Variants in SGCZ observed in about 807,000 individuals in gnomAD.
SGCZ encodes zeta-sarcoglycan.
A neutral mutation model predicts 41.3 loss-of-function variants in SGCZ; 40 were observed. The ratio of observed to expected loss-of-function variants is 0.97; its 90% confidence interval spans 0.75 to 1.26. The LOEUF (loss-of-function observed/expected upper bound fraction) is 1.26. Ranked by LOEUF, SGCZ falls within the 50% of genes most tolerant of loss-of-function variation. The pLI, the probability that SGCZ is intolerant of heterozygous loss-of-function variation, is 0.00. For missense variants in SGCZ, 552 were observed against 369.8 expected (o/e 1.49, Z -4.04); for synonymous variants, 206 against 137.5 (o/e 1.50, Z -3.49).
chr8:14,964,032 G>A (rs543995859), intron 1 of SGCZ, among the ~76,000 whole-genome samples: 4 of 152,070 alleles, frequency 2.6e-5, no homozygotes, highest in Non-Finnish European at 5.9e-5. Context: ...CCTATGCAAA[G>A]GTTACAAGGC....
At chr8:14,946,853 T>A (rs1195578436) in intron 1 of SGCZ, among the ~76,000 whole-genome samples, 3 of 151,912 alleles carry the variant, frequency 2.0e-5, no homozygotes, top group African/African-American at 7.3e-5. Flanking sequence ...TTTTTGTATT[T>A]TTAGTAGAGA....
chr8:14,859,458 T>C (rs939460673), intron 1 of SGCZ, among the ~76,000 whole-genome samples: 5 of 152,106 alleles, frequency 3.3e-5, no homozygotes, highest in Non-Finnish European at 7.4e-5. Context: ...AACCCTAAAC[T>C]CCCTTGAAAG....
intron 1 of SGCZ, among the ~76,000 whole-genome samples, chr8:14,569,061 G>C (rs976635747): frequency 2.0e-5 from 3 of 152,062 alleles, no homozygotes; most frequent in African/African-American, 4.8e-5. Context: ...GGAAGCTTTC[G>C]AGTCAATATT....
At chr8:14,687,014 G>C (rs1177855332) in intron 1 of SGCZ, among the ~76,000 whole-genome samples, 1 of 151,426 alleles carries the variant, frequency 6.6e-6, no homozygotes, top group African/African-American at 2.4e-5. Flanking sequence ...CCAAAACCAA[G>C]CCAAGCCAAA....
chr8:14,967,637 G>C (rs931566814), intron 1 of SGCZ, among the ~76,000 whole-genome samples: 2 of 152,018 alleles, frequency 1.3e-5, no homozygotes, highest in African/African-American at 2.4e-5. Flanking sequence ...GAAAGTACTG[G>C]TCATTTCATA....
chr8:14,303,896 C>A (rs1585340239), intron 3 of SGCZ, among the ~76,000 whole-genome samples: 1 of 151,876 alleles, frequency 6.6e-6, no homozygotes, highest in African/African-American at 2.4e-5. Flanking sequence ...GGATTATAGG[C>A]ACCCGCCACC....
chr8:14,590,875 TTATAC>T (rs1459881766), intron 1 of SGCZ, among the ~76,000 whole-genome samples: 2 of 148,796 alleles, frequency 1.3e-5, no homozygotes, highest in Non-Finnish European at 3.0e-5. Flanking sequence ...TATAAAGTAC[TTATAC>T]TATATATGTC....
At chr8:14,269,667 T>C (rs1000918847) in intron 3 of SGCZ, among the ~76,000 whole-genome samples, 3 of 152,110 alleles carry the variant, frequency 2.0e-5, no homozygotes, top group Non-Finnish European at 2.9e-5. Context: ...GAGAGTTCTT[T>C]AAGTCAAAAA....
chr8:14,933,309 G>C (rs1465698770), intron 1 of SGCZ, among the ~76,000 whole-genome samples: 1 of 151,876 alleles, frequency 6.6e-6, no homozygotes, highest in Non-Finnish European at 1.5e-5. Flanking sequence ...TGCAGACAGA[G>C]AAAGAGGACC....
intron 2 of SGCZ, among the ~76,000 whole-genome samples, chr8:14,411,229 A>G (rs1799351794): frequency 6.6e-6 from 1 of 152,142 alleles, no homozygotes; most frequent in African/African-American, 2.4e-5. Context: ...AAACAGCCCT[A>G]CAACTCTTAC....
chr8:14,913,526 TA>T (rs1253106189), intron 1 of SGCZ, among the ~76,000 whole-genome samples: 1 of 152,074 alleles, frequency 6.6e-6, no homozygotes, highest in Non-Finnish European at 1.5e-5. Flanking sequence ...TATGTAGGCC[TA>T]AAAAGTTTAT....
chr8:14,493,338 CT>C (rs1385612687), intron 2 of SGCZ, among the ~76,000 whole-genome samples: 3 of 104,066 alleles, frequency 2.9e-5, no homozygotes, highest in African/African-American at 7.1e-5. Flanking sequence ...TATTCACATA[CT>C]TTTCCCACTA....
chr8:14,816,315 C>T (rs1374496047), intron 1 of SGCZ, among the ~76,000 whole-genome samples: 1 of 152,174 alleles, frequency 6.6e-6, no homozygotes, highest in Non-Finnish European at 1.5e-5. Context: ...CTGGAGGAAA[C>T]ATTACCAGCC....
chr8:14,751,572 T>A (rs1256373772), intron 1 of SGCZ, among the ~76,000 whole-genome samples: 1 of 152,196 alleles, frequency 6.6e-6, no homozygotes, highest in Admixed American at 6.5e-5. Flanking sequence ...ACTGTATTTT[T>A]ATTTCCACAG....
At chr8:14,854,021 T>TTATATATATATA (rs10604213) in intron 1 of SGCZ, among the ~76,000 whole-genome samples, 1,472 of 107,388 alleles carry the variant, frequency 0.014, 15 homozygotes, top group Non-Finnish European at 0.021. Flanking sequence ...TGTGATTATA[T>TTATATATATATA]TATATATATA....
chr8:15,099,394 C>G (rs1023377884), intron 1 of SGCZ, among the ~76,000 whole-genome samples: 1 of 152,092 alleles, frequency 6.6e-6, no homozygotes, highest in South Asian at 2.1e-4. Flanking sequence ...TGGACAAATT[C>G]TTGGAAAAAA....
chr8:14,617,262 A>G (rs1440972451), intron 1 of SGCZ, among the ~76,000 whole-genome samples: 1 of 152,174 alleles, frequency 6.6e-6, no homozygotes, highest in Non-Finnish European at 1.5e-5. Context: ...ATTTTTTCAA[A>G]TCAAATGTAT....
At chr8:15,166,639 G>A (rs561869894) in intron 1 of SGCZ, among the ~76,000 whole-genome samples, 1 of 152,246 alleles carries the variant, frequency 6.6e-6, no homozygotes, top group Non-Finnish European at 1.5e-5. Flanking sequence ...TAATGTCTGA[G>A]TATATGCTAT....
intron 1 of SGCZ, among the ~76,000 whole-genome samples, chr8:14,738,733 A>G (rs1381268929): frequency 6.6e-6 from 1 of 152,120 alleles, no homozygotes; most frequent in African/African-American, 2.4e-5. Context: ...ATGGTAGGTC[A>G]TGAAAGTTGG....
Sources: allele counts gnomAD v4.1 joint callset (sites outside exome capture counted in the v4.1 genomes callset), GRCh38; gene constraint gnomAD v4.1.1; transcripts MANE v1.5; gene names NCBI Gene and HGNC (gene_info 2026-07-23, HGNC 2026-07-21).